Variants in KCNIP1 observed in about 807,000 individuals in gnomAD.
KCNIP1 encodes A-type potassium channel modulatory protein KCNIP1.
Under a neutral mutation model 33.0 loss-of-function variants are expected in KCNIP1, and 18 were observed. That is an observed-to-expected ratio of 0.55 (90% CI 0.38 to 0.81). The LOEUF is 0.81. Ranked by LOEUF, KCNIP1 falls within the 30% of genes least tolerant of loss-of-function variation. The probability of loss-of-function intolerance (pLI) is 0.00; values close to 1 mark genes in which losing one functional copy is unlikely to be tolerated. For synonymous variants in KCNIP1, 93 were observed against 98.3 expected, an observed-to-expected ratio of 0.95 and a Z score of 0.32; for missense variants, 238 against 271.6, an observed-to-expected ratio of 0.88 and a Z score of 0.87.
intron 1 of KCNIP1, among the ~76,000 whole-genome samples, chr5:170,711,329 T>C (rs1260665889): frequency 6.6e-6 from 1 of 152,244 alleles, no homozygotes; most frequent in Non-Finnish European, 1.5e-5. Flanking sequence ...TGAGAACTCA[T>C]GTAAACAGGT....
intron 1 of KCNIP1, among the ~76,000 whole-genome samples, chr5:170,418,518 T>A (rs1311302960): frequency 1.3e-5 from 2 of 152,174 alleles, no homozygotes; most frequent in East Asian, 1.9e-4. Flanking sequence ...GCTCCCTGCT[T>A]CCCCCTCAGT....
chr5:170,385,588 T>C, intron 1 of KCNIP1: 1 of 980,158 alleles, frequency 1.0e-6, no homozygotes. Context: ...TTGTTTATAT[T>C]TGGAGCTTTG....
At chr5:170,536,292 C>T (rs1755981950) in intron 1 of KCNIP1, among the ~76,000 whole-genome samples, 1 of 152,200 alleles carries the variant, frequency 6.6e-6, no homozygotes, top group Non-Finnish European at 1.5e-5. Flanking sequence ...AATCCTTCCA[C>T]CAGTTACTAC....
intron 1 of KCNIP1, among the ~76,000 whole-genome samples, chr5:170,689,924 A>C (rs1762664101): frequency 6.6e-6 from 1 of 152,206 alleles, no homozygotes; most frequent in South Asian, 2.1e-4. Flanking sequence ...CCCTCTTATT[A>C]AACATTTCAA....
intron 1 of KCNIP1, among the ~76,000 whole-genome samples, chr5:170,571,415 C>A (rs1343733074): frequency 1.3e-5 from 2 of 152,250 alleles, no homozygotes; most frequent in African/African-American, 4.8e-5. Context: ...TGCCTTCTTG[C>A]CTGTGCGCAG....
chr5:170,427,354 G>A (rs1338902765), intron 1 of KCNIP1, among the ~76,000 whole-genome samples: 3 of 152,164 alleles, frequency 2.0e-5, no homozygotes, highest in African/African-American at 7.2e-5. Flanking sequence ...GGCAGCTTAT[G>A]GCCACTCTTT....
At chr5:170,572,908 G>A (rs746324723) in intron 1 of KCNIP1, among the ~76,000 whole-genome samples, 7 of 152,200 alleles carry the variant, frequency 4.6e-5, no homozygotes, top group East Asian at 1.9e-4. Flanking sequence ...TTCCGGATAC[G>A]GTGCCAGGAA....
At chr5:170,522,831 G>GA (rs1299370113) in intron 1 of KCNIP1, among the ~76,000 whole-genome samples, 9 of 152,150 alleles carry the variant, frequency 5.9e-5, no homozygotes, top group South Asian at 2.1e-4. Flanking sequence ...AGAGGAAGCA[G>GA]AAAAAAATTC....
intron 1 of KCNIP1, among the ~76,000 whole-genome samples, chr5:170,432,049 T>TTG (rs576206502): frequency 1.3e-5 from 2 of 151,878 alleles, no homozygotes; most frequent in Middle Eastern, 3.4e-3. Context: ...TTTTTTTTTT[T>TTG]CACATTGAGC....
At chr5:170,606,922 G>T (rs1758943837) in intron 1 of KCNIP1, among the ~76,000 whole-genome samples, 2 of 152,186 alleles carry the variant, frequency 1.3e-5, no homozygotes, top group South Asian at 4.1e-4. Context: ...AGCGCCCTAG[G>T]CTGGGGCCAA....
chr5:170,720,416 T>G (rs1048249445), intron 3 of KCNIP1, 26 bp downstream of exon 3: 2 of 1,562,940 alleles, frequency 1.3e-6, no homozygotes, highest in African/African-American at 2.7e-5. Flanking sequence ...AAATCTATCT[T>G]GCCCAGCTCC....
chr5:170,374,280 C>G (rs1029684272), intron 1 of KCNIP1, among the ~76,000 whole-genome samples: 4 of 152,070 alleles, frequency 2.6e-5, no homozygotes, highest in African/African-American at 9.7e-5. Context: ...GAAGGAAGCC[C>G]CTCACAATGA....
At chr5:170,573,519 T>TA (rs1322390706) in intron 1 of KCNIP1, among the ~76,000 whole-genome samples, 2 of 152,210 alleles carry the variant, frequency 1.3e-5, no homozygotes, top group African/African-American at 4.8e-5. Flanking sequence ...TTGTCTGTTT[T>TA]AATCACCTTA....
chr5:170,530,469 C>T (rs752193411), intron 1 of KCNIP1, among the ~76,000 whole-genome samples: 23 of 152,104 alleles, frequency 1.5e-4, no homozygotes, highest in Non-Finnish European at 2.8e-4. Flanking sequence ...ATAATGTATC[C>T]GGACTGCAAG....
At chr5:170,551,897 TGTGTGA>T (rs1198526269) in intron 1 of KCNIP1, among the ~76,000 whole-genome samples, 13 of 151,374 alleles carry the variant, frequency 8.6e-5, no homozygotes, top group African/African-American at 3.2e-4. Context: ...TGTGTACGAG[TGTGTGA>T]GTGTGTGTAT....
At chr5:170,400,714 G>A (rs1754881953) in intron 1 of KCNIP1, among the ~76,000 whole-genome samples, 1 of 152,186 alleles carries the variant, frequency 6.6e-6, no homozygotes, top group African/African-American at 2.4e-5. Flanking sequence ...ACACTGAGGT[G>A]GAAACACAGC....
intron 1 of KCNIP1, among the ~76,000 whole-genome samples, chr5:170,490,786 T>C (rs1757189430): frequency 1.3e-5 from 2 of 152,008 alleles, no homozygotes; most frequent in African/African-American, 4.8e-5. Flanking sequence ...CTCCAACCTC[T>C]CCCCAAGCTC....
intron 1 of KCNIP1, among the ~76,000 whole-genome samples, chr5:170,402,220 T>A (rs1253547479): frequency 9.3e-6 from 1 of 107,990 alleles, no homozygotes; most frequent in East Asian, 2.9e-4. Flanking sequence ...ACAAAGACTC[T>A]TTTTTTCCTA....
At chr5:170,430,756 G>A (rs1581185522) in intron 1 of KCNIP1, among the ~76,000 whole-genome samples, 2 of 152,184 alleles carry the variant, frequency 1.3e-5, no homozygotes, top group African/African-American at 4.8e-5. Context: ...GAGGTCATAC[G>A]CAGTTCCTGG....
Sources: gnomAD v4.1 joint callset for allele counts (sites outside exome capture counted in the v4.1 genomes callset) on GRCh38, gnomAD v4.1.1 for gene constraint, MANE v1.5 for transcripts, NCBI Gene and HGNC (gene_info 2026-07-23, HGNC 2026-07-21) for gene names.